The following NDE1 variants were observed in gnomAD, a reference collection of about 807,000 sequenced individuals.
NDE1 encodes nuclear distribution protein nudE homolog 1.
Under a neutral mutation model 43.4 loss-of-function variants are expected in NDE1, and 28 were observed. The ratio of observed to expected loss-of-function variants is 0.65; its 90% CI spans 0.48 to 0.89. The LOEUF (loss-of-function observed/expected upper bound fraction) is 0.89. NDE1 is among the 40% of genes least tolerant of loss of function. NDE1 has a pLI of 0.00. For synonymous variants in NDE1, 184 were observed against 172.0 expected (o/e 1.07, Z -0.55); for missense variants, 441 against 434.1 (o/e 1.02, Z -0.14).
intron 7 of NDE1, chr16:15,694,589 C>G: frequency 4.1e-6 from 4 of 968,784 alleles, no homozygotes; most frequent in Non-Finnish European, 4.9e-6. Flanking sequence ...CTCAAGTGAT[C>G]CTCCCAGGTT....
chr16:15,712,882 G>GTTTTGTTTTTTTTTTTTTTTTTTTTTT (rs2039887695), intron 8 of NDE1: 2 of 90,636 alleles, frequency 2.2e-5, no homozygotes, highest in East Asian at 7.5e-4. Context: ...TTCACATACA[G>GTTTTGTTTTTTTTTTTTTTTTTTTTTT]TTTTTTTTTT....
At chr16:15,676,230 T>TG (rs1490488018) in intron 3 of NDE1, among the ~76,000 whole-genome samples, 3 of 147,350 alleles carry the variant, frequency 2.0e-5, no homozygotes. Flanking sequence ...TTCTGGTTTT[T>TG]TTTTTTTTTT....
chr16:15,661,333 A>G (rs2037035895), intron 1 of NDE1, among the ~76,000 whole-genome samples: 1 of 152,104 alleles, frequency 6.6e-6, no homozygotes, highest in African/African-American at 2.4e-5. Flanking sequence ...TATTTTTAAT[A>G]GAGACAGTGT....
rs143572941 is a variant in NDE1, at chr16:15,653,781, G to A, written c.-44+3487G>A. ...CTCGCTCTGTCACACAGGCTGGAGT[G>A]CTGTGGGGCGATCTCGGCTCACTGC... On this transcript the variant is annotated intron_variant, in intron 1 of 8. Coordinates refer to ENST00000396354, the MANE Select transcript of NDE1 (RefSeq NM_017668.3). Among the ~76,000 whole-genome samples the A allele has an allele frequency of 2.9e-3, 442 of 150,784 alleles. 2 individuals are homozygous for A. The highest frequency in any genetic ancestry group is 0.01 in the African/African-American group (416 of 41,010).
At chr16:15,677,666 C>T in intron 3 of NDE1, 135 bp from the exon 4 acceptor site, 1 of 863,534 alleles carries the variant, frequency 1.2e-6, no homozygotes, top group Admixed American at 2.0e-5. Context: ...TCACTGCAGC[C>T]TCTAACTCCT....
rs1003775995 is a variant in NDE1, at chr16:15,709,068, G to C, written c.947+12208G>C. ...AGTGATCCCCTTGTCTCAGCCTCCC[G>C]AGTAGCTGGGATTACAGGCAGGCCC... On this transcript the variant is annotated intron_variant, in intron 8 of 8. Transcript: ENST00000396354. Among the ~76,000 whole-genome samples, 78 of 151,858 alleles carry C rather than the reference G, an allele frequency of 5.1e-4. 5 individuals carry two copies. Among genetic ancestry groups the C allele is most frequent in the Non-Finnish European group, 1.5e-5 (1 of 67,984 alleles).
intron 5 of NDE1, 134 bp downstream of exon 5, chr16:15,687,645 A>G: frequency 1.1e-6 from 1 of 892,846 alleles, no homozygotes; most frequent in South Asian, 1.4e-5. Context: ...GTCTAATCAG[A>G]GGGTGTCGGA....
chr16:15,707,928 C>T (rs556563397), intron 8 of NDE1, among the ~76,000 whole-genome samples: 31 of 142,040 alleles, frequency 2.2e-4, no homozygotes, highest in African/African-American at 6.6e-4. Context: ...GCCAAGATTG[C>T]GCCATTGCAC....
At chr16:15,693,371 G>GGC (rs1303067229) in intron 6 of NDE1, among the ~76,000 whole-genome samples, 1 of 152,144 alleles carries the variant, frequency 6.6e-6, no homozygotes, top group African/African-American at 2.4e-5. Context: ...GGAGAAGAGA[G>GGC]GCTCTGCAGA....
intron 8 of NDE1, among the ~76,000 whole-genome samples, chr16:15,702,457 C>G (rs1342084776): frequency 1.3e-5 from 2 of 152,062 alleles, no homozygotes; most frequent in East Asian, 3.9e-4. Flanking sequence ...GTGGCGTGAT[C>G]ATAGCTCACT....
exon 1 of NDE1, chr16:15,643,891 C>A (rs908017490): frequency 6.5e-6 from 1 of 152,854 alleles, no homozygotes; most frequent in Non-Finnish European, 1.5e-5. Flanking sequence ...ACTGCGTTTC[C>A]AGTGACAGGT....
rs878955105 is a variant in NDE1, at chr16:15,699,669, G to C, written c.947+2809G>C. On this transcript the variant is annotated intron_variant, in intron 8 of 8. Transcript: ENST00000396354. ...TCACCCTTATAACTCTCTGGGCCCC[G>C]GTGCTAGCCAGTTTGTCACAGCTGT... 1.1e-5 allele frequency: 14 copies of C among 1,313,526 alleles called. 1 individual carries two copies. The South Asian group carries it at 1.7e-4, about 16-fold the overall frequency. 81.4% of individuals were successfully genotyped at this position (1,313,526 alleles called of 1,614,324 possible).
intron 8 of NDE1, chr16:15,720,456 C>T (rs367766784): frequency 1.7e-5 from 21 of 1,201,830 alleles, no homozygotes; most frequent in Middle Eastern, 2.7e-4. Context: ...GATGAGAAAA[C>T]GGAATCACGC....
chr16:15,688,397 G>A (rs906426563), intron 5 of NDE1, among the ~76,000 whole-genome samples: 5 of 151,826 alleles, frequency 3.3e-5, no homozygotes, highest in African/African-American at 1.2e-4. Flanking sequence ...CACTTTGGGA[G>A]GCTGAGGCAG....
chr16:15,664,505 C>T lies in NDE1; in HGVS notation c.-43-231C>T, dbSNP rs1013061278. On this transcript the variant is annotated intron_variant, in intron 1 of 8. Coordinates refer to ENST00000396354, the MANE Select transcript of NDE1 (RefSeq NM_017668.3). ...CTGAGTAGCTGGGACTACAGGCACCCGCCACCACACCCAGCTAATTTTTCG... is the reference window on the plus strand; with the variant it reads ...CTGAGTAGCTGGGACTACAGGCACCTGCCACCACACCCAGCTAATTTTTCG... Among the ~76,000 whole-genome samples the T allele has an allele frequency of 3.9e-5, 6 of 152,098 alleles. No individual in the cohort carries two copies. In the East Asian group the frequency reaches 7.7e-4, roughly 20 times the overall value.
At chr16:15,708,309 C>T (rs1048744159) in intron 8 of NDE1, among the ~76,000 whole-genome samples, 3 of 152,150 alleles carry the variant, frequency 2.0e-5, no homozygotes, top group African/African-American at 7.2e-5. Flanking sequence ...TTACCGTGAA[C>T]TTTGTGATCT....
At chr16:15,708,226 G>A (rs1015575428) in intron 8 of NDE1, among the ~76,000 whole-genome samples, 2 of 152,154 alleles carry the variant, frequency 1.3e-5, no homozygotes, top group African/African-American at 2.4e-5. Flanking sequence ...GTCAGACATC[G>A]CAGTGAGCTC....
upstream of NDE1, among the ~76,000 whole-genome samples, chr16:15,649,178 A>G (rs1372412946): frequency 2.6e-5 from 4 of 152,232 alleles, no homozygotes; most frequent in Non-Finnish European, 5.9e-5. Flanking sequence ...CCTGGGAGAC[A>G]GAGGGAGATT....
At chr16:15,662,628 G>A (rs367630221) in intron 1 of NDE1, among the ~76,000 whole-genome samples, 13 of 152,100 alleles carry the variant, frequency 8.5e-5, no homozygotes, top group African/African-American at 3.1e-4. Flanking sequence ...CCAGGCTTTA[G>A]TGCAGTGGCA....
Sources: gnomAD v4.1 joint callset for allele counts (sites outside exome capture counted in the v4.1 genomes callset) on GRCh38, gnomAD v4.1.1 for gene constraint, MANE v1.5 for transcripts, NCBI Gene and HGNC (gene_info 2026-07-23, HGNC 2026-07-21) for gene names.